Variants in SUPT3H observed in about 807,000 individuals in gnomAD.
SUPT3H encodes the protein transcription initiation protein SPT3 homolog.
A neutral mutation model predicts 44.3 loss-of-function variants in SUPT3H; 44 were observed. The ratio of observed to expected loss-of-function variants is 0.99; its 90% CI spans 0.78 to 1.28. SUPT3H has a LOEUF of 1.28. SUPT3H is among the 50% of genes most tolerant of loss of function. The probability of loss-of-function intolerance (pLI) is 0.00; values close to 1 mark genes in which losing one functional copy is unlikely to be tolerated. For missense variants in SUPT3H, 380 were observed against 387.1 expected (o/e 0.98, Z 0.15); for synonymous variants, 124 against 125.6 (o/e 0.99, Z 0.09).
chr6:45,252,068 C>T (rs1198775767), intron 2 of SUPT3H, among the ~76,000 whole-genome samples: 1 of 152,120 alleles, frequency 6.6e-6, no homozygotes, highest in Non-Finnish European at 1.5e-5. Flanking sequence ...TCAACTTTAG[C>T]TCCATGTTCC....
chr6:45,235,113 A>G (rs924569471), intron 2 of SUPT3H, among the ~76,000 whole-genome samples: 3 of 152,228 alleles, frequency 2.0e-5, no homozygotes, highest in Admixed American at 2.0e-4. Context: ...GATACAAGTG[A>G]CAAATGCTTT....
intron 11 of SUPT3H, among the ~76,000 whole-genome samples, chr6:44,821,462 C>T (rs1767310479): frequency 6.6e-6 from 1 of 152,138 alleles, no homozygotes; most frequent in South Asian, 2.1e-4. Context: ...CTACTACCCC[C>T]CTCTCTGAAA....
chr6:45,189,610 C>G (rs1046400838), intron 2 of SUPT3H, among the ~76,000 whole-genome samples: 1 of 152,130 alleles, frequency 6.6e-6, no homozygotes, highest in African/African-American at 2.4e-5. Context: ...CTGTGTCAAT[C>G]CCCAAGGCCA....
At chr6:45,057,040 T>C (rs958263196) in intron 3 of SUPT3H, among the ~76,000 whole-genome samples, 2 of 152,142 alleles carry the variant, frequency 1.3e-5, no homozygotes, top group African/African-American at 4.8e-5. Context: ...AAAGATGTAT[T>C]TGAGTGTATT....
intron 9 of SUPT3H, among the ~76,000 whole-genome samples, chr6:44,943,590 A>T (rs1226817827): frequency 6.6e-6 from 1 of 152,144 alleles, no homozygotes; most frequent in East Asian, 1.9e-4. Flanking sequence ...ATGTCTATGG[A>T]TATCATGGCC....
At chr6:45,062,824 T>G (rs1792392631) in intron 3 of SUPT3H, among the ~76,000 whole-genome samples, 1 of 151,998 alleles carries the variant, frequency 6.6e-6, no homozygotes, top group South Asian at 2.1e-4. Context: ...CCACGGAGTC[T>G]CCCTGATTGC....
At chr6:44,931,152 T>C (rs1315404654) in intron 10 of SUPT3H, among the ~76,000 whole-genome samples, 1 of 152,236 alleles carries the variant, frequency 6.6e-6, no homozygotes, top group Non-Finnish European at 1.5e-5. Flanking sequence ...ATTTTCTCCT[T>C]GTATCAGATA....
intron 3 of SUPT3H, among the ~76,000 whole-genome samples, chr6:45,082,171 A>C (rs1795897528): frequency 6.6e-6 from 1 of 152,150 alleles, no homozygotes; most frequent in Non-Finnish European, 1.5e-5. Flanking sequence ...AACCAGAAAA[A>C]GCCCCAGACC....
chr6:45,349,787 A>C lies in SUPT3H; in HGVS notation c.101+15414T>G, dbSNP rs546426734. 3.3e-5 allele frequency among the ~76,000 whole-genome samples: 5 copies of C among 152,280 alleles called. No individual in the cohort carries two copies. The South Asian group carries it at 1.0e-3, about 32-fold the overall frequency. On this transcript the variant is annotated intron_variant, in intron 2 of 10. Coordinates refer to ENST00000371459, the MANE Select transcript of SUPT3H (RefSeq NM_003599.4). ...TGTCAGAATATAAGAAAGGCAACCA[A>C]ACAATGATTGCTTAACATACAATTC...
intron 6 of SUPT3H, among the ~76,000 whole-genome samples, chr6:44,981,547 A>G (rs528959945): frequency 7.2e-5 from 11 of 152,280 alleles, no homozygotes; most frequent in Middle Eastern, 3.4e-3. Flanking sequence ...ATATTCTTCT[A>G]TAATATTGAG....
chr6:45,215,867 T>C (rs1289037281), intron 2 of SUPT3H, among the ~76,000 whole-genome samples: 1 of 152,184 alleles, frequency 6.6e-6, no homozygotes. Context: ...ATATCTTCTC[T>C]GAAGCAGAAT....
At chr6:45,010,273 T>C (rs575164779) in intron 5 of SUPT3H, among the ~76,000 whole-genome samples, 4 of 152,302 alleles carry the variant, frequency 2.6e-5, no homozygotes, top group Non-Finnish European at 4.4e-5. Context: ...AATTATGTTA[T>C]CTGTAAACAG....
chr6:45,288,303 G>A (rs1180178947), intron 2 of SUPT3H, among the ~76,000 whole-genome samples: 5 of 151,660 alleles, frequency 3.3e-5, no homozygotes, highest in Admixed American at 1.3e-4. Context: ...CATAAATAAC[G>A]GTATTTATTA....
intron 2 of SUPT3H, among the ~76,000 whole-genome samples, chr6:45,275,492 C>G (rs1035169557): frequency 6.6e-6 from 1 of 152,082 alleles, no homozygotes; most frequent in Non-Finnish European, 1.5e-5. Context: ...TAAAGTATCA[C>G]GTCTTGAAAG....
At chr6:45,090,201 T>C (rs1796964410) in intron 3 of SUPT3H, among the ~76,000 whole-genome samples, 1 of 152,220 alleles carries the variant, frequency 6.6e-6, no homozygotes, top group East Asian at 1.9e-4. Context: ...TAATCATTAC[T>C]ATGTAGCTTA....
intron 2 of SUPT3H, among the ~76,000 whole-genome samples, chr6:45,263,775 C>T (rs1251078704): frequency 6.6e-5 from 10 of 152,086 alleles, no homozygotes; most frequent in Admixed American, 4.6e-4. Context: ...AAACATAGTC[C>T]CTTCTCACCC....
chr6:44,955,338 T>A (rs993703538), intron 7 of SUPT3H: 1 of 152,412 alleles, frequency 6.6e-6, no homozygotes, highest in Non-Finnish European at 1.5e-5. Flanking sequence ...TCAGCCCTGC[T>A]CACCAGCTGC....
intron 2 of SUPT3H, among the ~76,000 whole-genome samples, chr6:45,110,071 C>G (rs966395587): frequency 2.6e-5 from 4 of 152,156 alleles, no homozygotes; most frequent in South Asian, 2.1e-4. Context: ...AACACACAAC[C>G]CTCCATTTTA....
chr6:45,125,369 T>C (rs1053023570), intron 2 of SUPT3H, among the ~76,000 whole-genome samples: 1 of 152,060 alleles, frequency 6.6e-6, no homozygotes, highest in Non-Finnish European at 1.5e-5. Context: ...CTACCAAACA[T>C]TTTTTTTCTA....
Sources: gnomAD v4.1 joint callset for allele counts (sites outside exome capture counted in the v4.1 genomes callset) on GRCh38, gnomAD v4.1.1 for gene constraint, MANE v1.5 for transcripts, NCBI Gene and HGNC (gene_info 2026-07-23, HGNC 2026-07-21) for gene names.